The following ABR variants were observed in gnomAD, a reference collection of about 807,000 sequenced individuals.
ABR encodes the protein ABR activator of RhoGEF and GTPase.
In ABR, 35 loss-of-function variants were observed where a neutral mutation model predicts 107.2. The ratio of observed to expected loss-of-function variants is 0.33; its 90% CI spans 0.25 to 0.43. The LOEUF is 0.43. Among genes scored for constraint, ABR ranks in the 20% least tolerant of loss-of-function variants. The pLI is 1.00. For synonymous variants in ABR, 498 were observed against 462.0 expected (o/e 1.08, Z -1.00); for missense variants, 815 against 1,115.2 (o/e 0.73, Z 3.83).
Position 1,179,599 on chromosome 17 carries a change from G to T in ABR, c.61+68C>A. On this transcript the variant is annotated intron_variant, in intron 1 of 22. Coordinates refer to ENST00000302538, the MANE Select transcript of ABR (RefSeq NM_021962.5). This position sits in a 1 kb window ranked among gnomAD's most constrained non-coding sequence, Gnocchi z 4.9. ...TCTTGGGGTCCCGATCCCGATCCTG[G>T]GGTCCCGATCTCCATCCTGGGGTCC... The T allele has an allele frequency of 7.1e-7, 1 of 1,401,972 alleles. No homozygotes were observed. 86.8% of individuals were successfully genotyped at this position (1,401,972 alleles called of 1,614,324 possible).
Position 1,148,599 on chromosome 17 carries a change from G to A in ABR, c.62-23232C>T, listed in dbSNP as rs970929997. Among the ~76,000 whole-genome samples, 3 of 152,336 alleles carry A rather than the reference G, an allele frequency of 2.0e-5. No individual in the cohort carries two copies. Among genetic ancestry groups the A allele is most frequent in the South Asian group, 2.1e-4 (1 of 4,824 alleles). On this transcript the variant is annotated intron_variant, in intron 1 of 22. Transcript: ENST00000302538. This position sits in a 1 kb window ranked among gnomAD's most constrained non-coding sequence, Gnocchi z 4.9. ...CCCCACTTCCCATCCGAGCAGCAGC[G>A]GCATTAGGTTCTCGTAGGAGCGTGA...
At chr17:1,067,791 G>C (rs1344411746) in intron 9 of ABR, among the ~76,000 whole-genome samples, 1 of 152,192 alleles carries the variant, frequency 6.6e-6, no homozygotes, top group Admixed American at 6.5e-5. Flanking sequence ...AGCAGGCAGA[G>C]GCATATGTGA....
chr17:1,116,133 T>G (rs1567784433), intron 2 of ABR, among the ~76,000 whole-genome samples: 1 of 149,842 alleles, frequency 6.7e-6, no homozygotes, highest in Non-Finnish European at 1.5e-5. Flanking sequence ...GGCAGGAGAA[T>G]CACTTGAACC....
chr17:1,074,208 A>C (rs2035508913), intron 6 of ABR, among the ~76,000 whole-genome samples: 1 of 146,882 alleles, frequency 6.8e-6, no homozygotes, highest in African/African-American at 2.6e-5. Context: ...TGCCACACGC[A>C]GGACCCCAGA....
At chr17:1,135,162 A>G (rs1395492219) in intron 1 of ABR, among the ~76,000 whole-genome samples, 3 of 152,080 alleles carry the variant, frequency 2.0e-5, no homozygotes, top group Non-Finnish European at 2.9e-5. Context: ...GACTATAAAT[A>G]GCCAGGAGGG....
Position 1,179,711 on chromosome 17 carries a change from T to G in ABR, c.17A>C (p.His6Pro). 6.7e-7 allele frequency: 1 copy of G among 1,498,494 alleles called. No homozygotes were observed. Among genetic ancestry groups the G allele is most frequent in the Non-Finnish European group, 9.0e-7 (1 of 1,113,312 alleles). 92.8% of individuals were successfully genotyped at this position (1,498,494 alleles called of 1,614,324 possible). Reference protein sequence around the residue: MEPLSHRGLPRLSWID... With the variant: MEPLSPRGLPRLSWID... Reference sequence around the variant, plus strand: ...CCAGGACAGGCGCGGCAGGCCCCGGTGGCTGAGCGGCTCCATCCCGCGGCG... The same window carrying G: ...CCAGGACAGGCGCGGCAGGCCCCGGGGGCTGAGCGGCTCCATCCCGCGGCG... The change falls in exon 1 of 23, where the codon CAC becomes CCC. Residue 6 changes from histidine (H) to proline (P), a missense_variant. Transcript: ENST00000302538. The surrounding 1 kb of genome is among the most constrained non-coding windows in gnomAD (Gnocchi z 4.9).
intron 1 of ABR, among the ~76,000 whole-genome samples, chr17:1,185,506 G>A (rs879409515): frequency 1.3e-4 from 19 of 151,916 alleles, no homozygotes; most frequent in Non-Finnish European, 2.2e-4. Flanking sequence ...TTAGCTGGGC[G>A]TGGTGGCGGG....
chr17:1,054,620 C>G (rs139853329), intron 14 of ABR, among the ~76,000 whole-genome samples: 9,573 of 19,336 alleles, frequency 0.5, 4,663 homozygotes, highest in East Asian at 0.92. Flanking sequence ...CAAGGAACCT[C>G]AGGGGATGTG....
intron 2 of ABR, among the ~76,000 whole-genome samples, chr17:1,115,695 C>T (rs555589115): frequency 6.2e-4 from 95 of 152,286 alleles, no homozygotes; most frequent in African/African-American, 2.3e-3. Flanking sequence ...GAGGCCGAGG[C>T]GGGCAGATCA....
chr17:1,203,735 G>A (rs1431147398), intron 1 of ABR, among the ~76,000 whole-genome samples: 1 of 151,972 alleles, frequency 6.6e-6, no homozygotes, highest in African/African-American at 2.4e-5. Context: ...CAGGAAGGCG[G>A]ATGGCGCCCC....
chr17:1,067,234 T>G lies in ABR; in HGVS notation c.1025A>C (p.Gln342Pro). ...GATGTACCACTTACAGTCATACTGC[T>G]GGTGCTTCCTGCAAACGAGCCAGAG... is the stretch of plus-strand genomic sequence containing the variant. Reference protein sequence around the residue: ...KLKKTSAGKHQQYDCKWYIPL... With the variant: ...KLKKTSAGKHPQYDCKWYIPL... The change falls in exon 10 of 23, where the codon CAG becomes CCG. Residue 342 changes from glutamine to proline, a missense_variant. Gln to Pro is a moderately conservative substitution (Grantham distance 76). Coordinates refer to ENST00000302538, the MANE Select transcript of ABR (RefSeq NM_021962.5). The G allele has an allele frequency of 1.3e-6, 2 of 1,586,922 alleles. No homozygotes were observed. Among genetic ancestry groups the G allele is most frequent in the Non-Finnish European group, 8.6e-7 (1 of 1,167,874 alleles).
chr17:1,209,025 G>T (rs949554558), intron 1 of ABR, among the ~76,000 whole-genome samples: 2 of 152,088 alleles, frequency 1.3e-5, no homozygotes, highest in African/African-American at 2.4e-5. Context: ...TACACTGAAG[G>T]CTCCTGAAGC....
intron 2 of ABR, among the ~76,000 whole-genome samples, chr17:1,123,226 G>C (rs750477217): frequency 7.2e-5 from 11 of 152,110 alleles, no homozygotes; most frequent in Non-Finnish European, 1.5e-4. Context: ...TTGCCCGGAC[G>C]ATCCCCAGGC....
intron 2 of ABR, among the ~76,000 whole-genome samples, chr17:1,102,319 A>C (rs1007504442): frequency 6.6e-6 from 1 of 152,144 alleles, no homozygotes; most frequent in Non-Finnish European, 1.5e-5. Flanking sequence ...GAGACAGGGT[A>C]GTGGTGAGGG....
intron 16 of ABR, among the ~76,000 whole-genome samples, chr17:1,036,302 G>A (rs1419006524): frequency 1.3e-5 from 2 of 152,266 alleles, no homozygotes; most frequent in East Asian, 3.9e-4. Context: ...CCAAGAGGCC[G>A]CCCAGAGAGT....
At chr17:1,024,494 A>G (rs1394648517) in intron 16 of ABR, among the ~76,000 whole-genome samples, 1 of 152,158 alleles carries the variant, frequency 6.6e-6, no homozygotes, top group African/African-American at 2.4e-5. Flanking sequence ...CTCATATATA[A>G]AAACAGTCTG....
intron 16 of ABR, among the ~76,000 whole-genome samples, chr17:1,025,404 A>C (rs1260891118): frequency 2.6e-5 from 4 of 152,242 alleles, no homozygotes; most frequent in African/African-American, 7.2e-5. Context: ...CAGGCTAAGA[A>C]TGATGCCTCG....
rs557272385 is a variant in ABR at position 1,047,526 on chromosome 17, C to T, written c.1791+2524G>A. Among the ~76,000 whole-genome samples, 5 of 152,356 alleles carry T rather than the reference C, an allele frequency of 3.3e-5. No individual in the cohort carries two copies. The South Asian group carries it at 8.3e-4, about 25-fold the overall frequency. On this transcript the variant is annotated intron_variant, in intron 16 of 22. Coordinates refer to ENST00000302538, the MANE Select transcript of ABR (RefSeq NM_021962.5). ...TGGTTCTGCAGCGGAGGGCCAGGGC[C>T]GGGCCTTGGCATGCTGAGTGCTGGG...
chr17:1,180,438 C>T (rs2150643641), upstream of ABR, among the ~76,000 whole-genome samples: 1 of 152,306 alleles, frequency 6.6e-6, no homozygotes, highest in East Asian at 1.9e-4. Context: ...CCTCCCGAAC[C>T]TTCCCCCGCT....
Sources: gnomAD v4.1 joint callset for allele counts (sites outside exome capture counted in the v4.1 genomes callset) on GRCh38, gnomAD v4.1.1 for gene constraint, Gnocchi (gnomAD v3.1) non-coding constraint, MANE v1.5 for transcripts, NCBI Gene and HGNC (gene_info 2026-07-23, HGNC 2026-07-21) for gene names.